Variants in CATSPER4 observed in about 807,000 individuals in gnomAD.
CATSPER4 encodes the protein cation channel sperm associated 4, also known as cation channel sperm-associated protein 4.
Under a neutral mutation model 54.4 loss-of-function variants are expected in CATSPER4, and 46 were observed. The observed-to-expected ratio is 0.84, with a 90% confidence interval of 0.67 to 1.08. The LOEUF (loss-of-function observed/expected upper bound fraction) is 1.08, where lower values mean the gene tolerates loss of function less well. CATSPER4 is among the 50% of genes least tolerant of loss of function. The pLI is 0.00. For synonymous variants in CATSPER4, 230 were observed against 231.9 expected (o/e 0.99, Z 0.08); for missense variants, 574 against 612.8 (o/e 0.94, Z 0.67).
In CATSPER4 at chr1:26,197,948, C is replaced by T; in HGVS notation, c.558-9C>T. The stretch of plus-strand genomic sequence containing the variant: ...GGCCTAGGGGCACCCCTGACAGGCT[C>T]TGCCACAGGGCGCTTCGTCTGGTGC... On this transcript the variant is annotated splice_polypyrimidine_tract_variant and intron_variant, in intron 4 of 9. Transcript: ENST00000456354. 6.2e-7 allele frequency: 1 copy of T among 1,612,804 alleles called. No homozygotes were observed.
At chr1:26,202,414 C>T (rs1557633458) in intron 9 of CATSPER4, 75 bp from the exon 10 acceptor site, 7 of 1,328,518 alleles carry the variant, frequency 5.3e-6, no homozygotes, top group Non-Finnish European at 7.5e-6. Context: ...GCTGGTGAGA[C>T]TGGAGGAGGT....
At chr1:26,200,083 G>A (rs752426056) in intron 7 of CATSPER4, 25 bp downstream of exon 7, 1 of 1,606,606 alleles carries the variant, frequency 6.2e-7, no homozygotes, top group Non-Finnish European at 8.5e-7. Context: ...GAGGGCAGAA[G>A]GGAGGAAAAG....
At chr1:26,199,544 A>C (rs2088982118) in intron 6 of CATSPER4, among the ~76,000 whole-genome samples, 1 of 149,052 alleles carries the variant, frequency 6.7e-6, no homozygotes, top group South Asian at 2.1e-4. Flanking sequence ...GCTTGCAGTG[A>C]GCCGAGATCA....
rs548868450 is a variant in CATSPER4 at position 26,202,593 on chromosome 1, G to T, written c.*51G>T. Reference sequence around the variant, plus strand: ...CTGCACACACACACCCAGCCGCTGCGTCTTCCTGTGTCCTTAGTGTGGCTT... The same window carrying T: ...CTGCACACACACACCCAGCCGCTGCTTCTTCCTGTGTCCTTAGTGTGGCTT... On this transcript the variant is annotated 3_prime_UTR_variant, in exon 10 of 10. Coordinates refer to ENST00000456354, the MANE Select transcript of CATSPER4 (RefSeq NM_198137.2). The T allele has an allele frequency of 3.9e-6, 6 of 1,520,312 alleles. No homozygotes were observed. Among genetic ancestry groups the T allele is most frequent in the Non-Finnish European group, 5.4e-6 (6 of 1,105,814 alleles). 94.2% of individuals were successfully genotyped at this position (1,520,312 alleles called of 1,614,324 possible). A position where few individuals can be genotyped will look rare whatever the true frequency, so the allele number is the denominator to read the frequency against.
chr1:26,197,646 TG>T, intron 3 of CATSPER4, 39 bp from the exon 4 acceptor site: 1 of 1,450,424 alleles, frequency 6.9e-7, no homozygotes, highest in Non-Finnish European at 9.7e-7. Context: ...CCCCATGGGC[TG>T]GGCCTGACAG....
intron 2 of CATSPER4, among the ~76,000 whole-genome samples, chr1:26,193,520 CT>C (rs2088894787): frequency 1.3e-5 from 2 of 152,200 alleles, no homozygotes; most frequent in Admixed American, 6.5e-5. Context: ...ACAGGCGCCA[CT>C]CTGATTCCAC....
At chr1:26,194,327 G>A (rs1425424162) in intron 3 of CATSPER4, among the ~76,000 whole-genome samples, 1 of 152,194 alleles carries the variant, frequency 6.6e-6, no homozygotes, top group Non-Finnish European at 1.5e-5. Context: ...AATGAAGTGG[G>A]CATGGCTGTG....
At position 26,199,887 on chromosome 1, in the gene CATSPER4, A is replaced by C; in HGVS notation, c.816A>C (p.Thr272=). The C allele has an allele frequency of 6.2e-7, 1 of 1,614,082 alleles. No individual in the cohort carries two copies. Among genetic ancestry groups the C allele is most frequent in the Non-Finnish European group, 8.5e-7 (1 of 1,180,012 alleles). ...GGCCCCTGCCTGCCATCTGCAGGAC[A>C]GAGAAGAGGGAATATGCAATGGAGA... is the stretch of plus-strand genomic sequence containing the variant. ...GWVDIYSDFQ[T]EKREYAMEIG... is the part of the protein sequence containing the mutation. Residue 272 remains threonine (T), a synonymous_variant, in exon 7 of 10, where the codon ACA becomes ACC. Transcript: ENST00000456354.
Position 26,198,436 on chromosome 1 carries a change from CT to C in CATSPER4, c.812+19del. On this transcript the variant is annotated intron_variant, in intron 6 of 9. Transcript: ENST00000456354. ...TGACTTCCAGTGAGTGCCAGTGGGA[CT>C]TCCAGCCTCATCCCACCTATGGGGC... 1 of 1,613,982 alleles carries C rather than the reference CT, an allele frequency of 6.2e-7. No individual in the cohort carries two copies. Among genetic ancestry groups the C allele is most frequent in the Non-Finnish European group, 8.5e-7 (1 of 1,180,024 alleles).
In CATSPER4 at chr1:26,192,235, C is replaced by G. The variant is rs550245106; in HGVS notation, c.357+805C>G. The stretch of plus-strand genomic sequence containing the variant: ...CTTGAACTCCTGGACTCAAGTGATC[C>G]TCCTGCCTCAGCCTCCCAAGTAGCT... On this transcript the variant is annotated intron_variant, in intron 2 of 9. Coordinates refer to ENST00000456354, the MANE Select transcript of CATSPER4 (RefSeq NM_198137.2). Among the ~76,000 whole-genome samples the G allele has an allele frequency of 2.0e-5, 3 of 151,770 alleles. No homozygotes were observed. In the East Asian group the frequency reaches 5.9e-4, roughly 30 times the overall value.
chr1:26,198,675 C>T (rs1472967805), intron 6 of CATSPER4, among the ~76,000 whole-genome samples: 3 of 152,210 alleles, frequency 2.0e-5, no homozygotes, highest in Admixed American at 6.5e-5. Flanking sequence ...TGCTAACCAG[C>T]TGGGTAGTTG....
chr1:26,190,893 C>T, intron 1 of CATSPER4, 53 bp downstream of exon 1: 1 of 1,519,216 alleles, frequency 6.6e-7, no homozygotes. Context: ...TGCTCATGGG[C>T]AGCAGGCCCT....
intron 2 of CATSPER4, among the ~76,000 whole-genome samples, chr1:26,192,572 A>C (rs994606571): frequency 2.1e-5 from 3 of 139,876 alleles, no homozygotes; most frequent in Non-Finnish European, 4.7e-5. Context: ...CCTGGGCGAC[A>C]GAGCGAGACT....
In CATSPER4 at chr1:26,199,902, T is replaced by A; in HGVS notation, c.831T>A (p.Tyr277Ter). 3 of 1,614,118 alleles carry A rather than the reference T, an allele frequency of 1.9e-6. No individual in the cohort carries two copies. Among genetic ancestry groups the A allele is most frequent in the Non-Finnish European group, 2.5e-6 (3 of 1,180,016 alleles). The part of the protein sequence containing the change: ...YSDFQTEKRE[Y>*]AMEIGGAIYF... ...TCTGCAGGACAGAGAAGAGGGAATATGCAATGGAGATTGGGGGTGCCATCT... is the reference window on the plus strand; with the variant it reads ...TCTGCAGGACAGAGAAGAGGGAATAAGCAATGGAGATTGGGGGTGCCATCT... The change falls in exon 7 of 10, where the codon TAT becomes TAA. Residue 277 changes from tyrosine to a stop codon, truncating the protein, a stop_gained. Transcript: ENST00000456354. LOFTEE classifies it high-confidence loss of function.
intron 4 of CATSPER4, 75 bp from the exon 5 acceptor site, chr1:26,197,882 G>C: frequency 2.5e-6 from 4 of 1,609,738 alleles, no homozygotes; most frequent in Non-Finnish European, 2.5e-6. Context: ...TGCCTCTCTG[G>C]GCAGCTGGTG....
chr1:26,202,507 C>T lies in CATSPER4; in HGVS notation c.1384C>T (p.Gln462Ter). The part of the protein sequence containing the change: ...SMEKVHDSSS[Q>*]ILLKKHKSSH The stretch of plus-strand genomic sequence containing the variant: ...TTTGCAGGTTCATGACTCTAGCTCA[C>T]AAATACTCCTTAAAAAACACAAGAG... Residue 462 changes from glutamine to a stop codon, truncating the protein, a stop_gained, in exon 10 of 10, where the codon CAA becomes TAA. Transcript: ENST00000456354. LOFTEE classifies it low-confidence loss of function (END_TRUNC). The T allele has an allele frequency of 2.5e-6, 4 of 1,611,934 alleles. No individual in the cohort carries two copies. The highest frequency in any genetic ancestry group is 3.4e-6 in the Non-Finnish European group (4 of 1,179,120).
At chr1:26,199,796 C>A (rs1230632101) in intron 6 of CATSPER4, 88 bp from the exon 7 acceptor site, 3 of 1,440,568 alleles carry the variant, frequency 2.1e-6, no homozygotes, top group Non-Finnish European at 2.9e-6. Flanking sequence ...TTCTAGTAGG[C>A]CTTGGGATGA....
intron 2 of CATSPER4, among the ~76,000 whole-genome samples, chr1:26,192,291 T>G (rs559463962): frequency 6.6e-6 from 1 of 151,814 alleles, no homozygotes; most frequent in East Asian, 2.0e-4. Flanking sequence ...CCATGCCTAA[T>G]TAAAAAAATG....
intron 9 of CATSPER4, 174 bp downstream of exon 9, chr1:26,201,693 T>TCC: frequency 2.6e-6 from 1 of 387,546 alleles, no homozygotes. Context: ...TTCTTTCCTT[T>TCC]TTTTTTTTTT....
Sources: allele counts gnomAD v4.1 joint callset (sites outside exome capture counted in the v4.1 genomes callset), GRCh38; gene constraint gnomAD v4.1.1; transcripts MANE v1.5; gene names NCBI Gene and HGNC (gene_info 2026-07-23, HGNC 2026-07-21).